Variants in GNA14 observed in about 807,000 individuals in gnomAD.
GNA14 encodes the protein G protein subunit alpha 14.
A neutral mutation model predicts 42.0 loss-of-function variants in GNA14; 50 were observed. The observed-to-expected ratio is 1.19, with a 90% CI of 0.95 to 1.51. The LOEUF (loss-of-function observed/expected upper bound fraction) is 1.51, where lower values mean the gene tolerates loss of function less well. GNA14 is among the 40% of genes most tolerant of loss of function. GNA14 has a pLI of 0.00. For synonymous variants in GNA14, 173 were observed against 163.1 expected, an observed-to-expected ratio of 1.06 and a Z score of -0.46; for missense variants, 473 against 446.2, an observed-to-expected ratio of 1.06 and a Z score of -0.54.
chr9:77,501,752 C>A (rs1218965578), intron 2 of GNA14, among the ~76,000 whole-genome samples: 1 of 143,008 alleles, frequency 7.0e-6, no homozygotes, highest in Non-Finnish European at 1.5e-5. Context: ...GCTCTGTCAC[C>A]CGGGTTGGAG....
chr9:77,443,105 G>A (rs1182772417), intron 2 of GNA14, among the ~76,000 whole-genome samples: 4 of 152,136 alleles, frequency 2.6e-5, no homozygotes, highest in Non-Finnish European at 5.9e-5. Context: ...TCACCATATA[G>A]AGATTTGAAC....
At chr9:77,486,300 T>C (rs1187557691) in intron 2 of GNA14, among the ~76,000 whole-genome samples, 3 of 152,242 alleles carry the variant, frequency 2.0e-5, no homozygotes, top group Admixed American at 6.5e-5. Context: ...TTGTGCAGCT[T>C]CCTTACCTCT....
intron 2 of GNA14, among the ~76,000 whole-genome samples, chr9:77,484,252 A>G (rs1342395338): frequency 1.3e-5 from 2 of 152,242 alleles, no homozygotes; most frequent in Non-Finnish European, 2.9e-5. Context: ...AAGAGAAAAA[A>G]TGGAATTTAT....
chr9:77,597,471 A>G (rs1049651785), intron 1 of GNA14, among the ~76,000 whole-genome samples: 2 of 152,066 alleles, frequency 1.3e-5, no homozygotes, highest in Admixed American at 6.5e-5. Context: ...CACCATGCTC[A>G]ATCATGTTGA....
intron 2 of GNA14, among the ~76,000 whole-genome samples, chr9:77,488,297 G>A (rs1323854119): frequency 6.6e-6 from 1 of 152,146 alleles, no homozygotes; most frequent in Non-Finnish European, 1.5e-5. Context: ...CTGACTCAGG[G>A]TTTCTACACT....
chr9:77,501,425 AT>A (rs1314234958), intron 2 of GNA14, among the ~76,000 whole-genome samples: 2 of 152,040 alleles, frequency 1.3e-5, no homozygotes, highest in African/African-American at 4.8e-5. Context: ...CCTCATTGTG[AT>A]TTTAATTTTC....
At chr9:77,620,930 TA>T (rs1823911904) in intron 1 of GNA14, among the ~76,000 whole-genome samples, 1 of 152,076 alleles carries the variant, frequency 6.6e-6, no homozygotes, top group Admixed American at 6.5e-5. Context: ...AAAATGACTT[TA>T]TTTTTTATTT....
chr9:77,592,926 A>C (rs929142829), intron 1 of GNA14, among the ~76,000 whole-genome samples: 2 of 152,202 alleles, frequency 1.3e-5, no homozygotes, highest in African/African-American at 4.8e-5. Flanking sequence ...ACAGGTATGT[A>C]ATCATGGGAA....
chr9:77,533,722 C>T (rs1010812750), intron 1 of GNA14, among the ~76,000 whole-genome samples: 1 of 152,212 alleles, frequency 6.6e-6, no homozygotes, highest in African/African-American at 2.4e-5. Context: ...CTTGGATCCT[C>T]TGCCTCCCCT....
chr9:77,434,338 G>T, intron 3 of GNA14, 30 bp downstream of exon 3: 1 of 1,587,262 alleles, frequency 6.3e-7, no homozygotes. Flanking sequence ...TGAAAGCACC[G>T]CGGGCGGCCA....
At chr9:77,464,349 A>ATGTGTGTGTGTGTGTGTGTGTGTGTG (rs1309595416) in intron 2 of GNA14, among the ~76,000 whole-genome samples, 3 of 101,958 alleles carry the variant, frequency 2.9e-5, no homozygotes, top group Admixed American at 1.9e-4. Flanking sequence ...GTGTGTGTGT[A>ATGTGTGTGTGTGTGTGTGTGTGTGTG]TATGTGTGTG....
At chr9:77,569,522 G>A (rs2131795349) in intron 1 of GNA14, among the ~76,000 whole-genome samples, 1 of 152,248 alleles carries the variant, frequency 6.6e-6, no homozygotes, top group South Asian at 2.1e-4. Flanking sequence ...TGCTCCCCAG[G>A]AGCTTACAAA....
chr9:77,532,597 C>T (rs956073790), intron 1 of GNA14, among the ~76,000 whole-genome samples: 3 of 152,146 alleles, frequency 2.0e-5, no homozygotes, highest in Middle Eastern at 3.2e-3. Flanking sequence ...CATTTATTCA[C>T]AAAAAGCAAA....
At chr9:77,640,536 T>C (rs1564073335) in intron 1 of GNA14, among the ~76,000 whole-genome samples, 1 of 152,154 alleles carries the variant, frequency 6.6e-6, no homozygotes, top group Non-Finnish European at 1.5e-5. Context: ...TAAGACTTTA[T>C]TTGCATTGCT....
At chr9:77,448,227 A>G (rs546235624) in intron 2 of GNA14, among the ~76,000 whole-genome samples, 1 of 152,356 alleles carries the variant, frequency 6.6e-6, no homozygotes, top group South Asian at 2.1e-4. Context: ...AGCCATTTAC[A>G]GAAAATGTTT....
intron 5 of GNA14, among the ~76,000 whole-genome samples, chr9:77,426,295 G>A (rs957973702): frequency 2.1e-5 from 3 of 142,714 alleles, no homozygotes; most frequent in Non-Finnish European, 4.5e-5. Context: ...CCATACTGTT[G>A]TTCAGAACTT....
At chr9:77,559,420 C>A (rs1822844363) in intron 1 of GNA14, among the ~76,000 whole-genome samples, 1 of 152,132 alleles carries the variant, frequency 6.6e-6, no homozygotes, top group Non-Finnish European at 1.5e-5. Context: ...GACGGGGCAT[C>A]CCTTCTGGGC....
chr9:77,632,480 TA>T (rs1811022574), intron 1 of GNA14, among the ~76,000 whole-genome samples: 1 of 152,120 alleles, frequency 6.6e-6, no homozygotes, highest in African/African-American at 2.4e-5. Flanking sequence ...CTGTAGGGGC[TA>T]AAAGAGCTGT....
chr9:77,554,540 T>C (rs148407339), intron 1 of GNA14, among the ~76,000 whole-genome samples: 1 of 152,316 alleles, frequency 6.6e-6, no homozygotes, highest in African/African-American at 2.4e-5. Context: ...GGGATTCATA[T>C]TCTGTTGGCT....
Sources: gnomAD v4.1 joint callset for allele counts (sites outside exome capture counted in the v4.1 genomes callset) on GRCh38, gnomAD v4.1.1 for gene constraint, MANE v1.5 for transcripts, NCBI Gene and HGNC (gene_info 2026-07-23, HGNC 2026-07-21) for gene names.